The following RABGAP1 variants were observed in gnomAD, a reference collection of about 807,000 sequenced individuals.
RABGAP1 encodes the protein rab GTPase-activating protein 1.
Under a neutral mutation model 137.6 loss-of-function variants are expected in RABGAP1, and 23 were observed. The observed-to-expected ratio is 0.17, with a 90% CI of 0.12 to 0.24. The LOEUF (loss-of-function observed/expected upper bound fraction) is 0.24. RABGAP1 is among the 10% of genes least tolerant of loss of function. The probability of loss-of-function intolerance (pLI) is 1.00; values close to 1 mark genes in which losing one functional copy is unlikely to be tolerated. For missense variants in RABGAP1, 906 were observed against 1,275.8 expected (o/e 0.71, Z 4.42); for synonymous variants, 451 against 450.7 (o/e 1.00, Z -0.01).
chr9:123,001,331 A>T (rs905436514), intron 10 of RABGAP1, among the ~76,000 whole-genome samples: 3 of 152,190 alleles, frequency 2.0e-5, no homozygotes, highest in Non-Finnish European at 4.4e-5. Context: ...ATATACGTTG[A>T]ATTGATTTTA....
chr9:123,023,018 A>G (rs2031740852), intron 13 of RABGAP1, among the ~76,000 whole-genome samples: 1 of 152,126 alleles, frequency 6.6e-6, no homozygotes, highest in Non-Finnish European at 1.5e-5. Flanking sequence ...GCTCCATGAC[A>G]TTTTACATAT....
At chr9:123,008,382 A>G (rs571684991) in intron 10 of RABGAP1, among the ~76,000 whole-genome samples, 11 of 152,160 alleles carry the variant, frequency 7.2e-5, no homozygotes, top group Admixed American at 5.9e-4. Context: ...CGTCTCCACT[A>G]AAAATACAAA....
intron 3 of RABGAP1, 34 bp downstream of exon 3, chr9:122,984,753 G>A: frequency 6.3e-7 from 1 of 1,579,018 alleles, no homozygotes; most frequent in Non-Finnish European, 8.7e-7. Flanking sequence ...GTAACTGAAG[G>A]TTATTGTTTT....
intron 12 of RABGAP1, among the ~76,000 whole-genome samples, chr9:123,016,466 C>G (rs1478898917): frequency 1.3e-5 from 2 of 152,128 alleles, no homozygotes; most frequent in Non-Finnish European, 2.9e-5. Flanking sequence ...TTGATTGCAC[C>G]ACTGCACTCC....
intron 2 of RABGAP1, among the ~76,000 whole-genome samples, chr9:122,983,514 A>G (rs1377696726): frequency 6.6e-6 from 1 of 152,162 alleles, no homozygotes; most frequent in East Asian, 1.9e-4. Flanking sequence ...AAGTACTTGA[A>G]TTGGATTTCT....
chr9:122,990,824 T>A (rs867019149), intron 6 of RABGAP1: 9 of 118,382 alleles, frequency 7.6e-5, no homozygotes, highest in Middle Eastern at 4.1e-3. Context: ...TATATATATA[T>A]ATATATATAT....
At chr9:122,952,325 A>G (rs982794345) in intron 1 of RABGAP1, among the ~76,000 whole-genome samples, 1 of 151,492 alleles carries the variant, frequency 6.6e-6, no homozygotes, top group African/African-American at 2.4e-5. Flanking sequence ...GTGGTGCGAT[A>G]TTGGCTCACT....
At chr9:123,082,394 A>C (rs948601607) in intron 19 of RABGAP1, among the ~76,000 whole-genome samples, 2 of 152,232 alleles carry the variant, frequency 1.3e-5, no homozygotes, top group South Asian at 2.1e-4. Context: ...TTATTCTAGA[A>C]GATCATTTAT....
intron 2 of RABGAP1, among the ~76,000 whole-genome samples, chr9:122,966,730 A>C (rs1588181738): frequency 6.6e-6 from 1 of 152,162 alleles, no homozygotes; most frequent in East Asian, 1.9e-4. Context: ...TCGTTTTCAC[A>C]CTGCTGATAA....
intron 1 of RABGAP1, among the ~76,000 whole-genome samples, chr9:122,950,351 T>C (rs1164353841): frequency 6.7e-6 from 1 of 149,294 alleles, no homozygotes; most frequent in Non-Finnish European, 1.5e-5. Context: ...TGGTTTGGTG[T>C]CTTTTTTTTC....
At chr9:122,964,840 T>G (rs1835054248) in intron 2 of RABGAP1, among the ~76,000 whole-genome samples, 1 of 152,012 alleles carries the variant, frequency 6.6e-6, no homozygotes, top group Admixed American at 6.6e-5. Flanking sequence ...GAAAAAAATT[T>G]TTTTTAATTA....
chr9:122,957,350 C>T, intron 2 of RABGAP1, 141 bp downstream of exon 2: 2 of 665,238 alleles, frequency 3.0e-6, no homozygotes, highest in South Asian at 5.2e-5. Flanking sequence ...ATTTTATTTG[C>T]ACTTAGTGAG....
At chr9:123,036,279 T>C (rs912749625) in intron 13 of RABGAP1, among the ~76,000 whole-genome samples, 3 of 152,200 alleles carry the variant, frequency 2.0e-5, no homozygotes, top group African/African-American at 7.2e-5. Context: ...TTATACAATT[T>C]ATGAAAAACT....
At chr9:123,025,712 AAG>A (rs1330550579) in intron 13 of RABGAP1, among the ~76,000 whole-genome samples, 3 of 151,866 alleles carry the variant, frequency 2.0e-5, no homozygotes, top group African/African-American at 7.2e-5. Context: ...AATAGGGAAA[AAG>A]AGAGTGATTT....
intron 10 of RABGAP1, among the ~76,000 whole-genome samples, chr9:123,006,403 G>C (rs1176070255): frequency 6.6e-6 from 1 of 152,110 alleles, no homozygotes; most frequent in Non-Finnish European, 1.5e-5. Context: ...GTGTGGATTT[G>C]ATTTAATCTT....
At chr9:122,996,876 A>T in intron 8 of RABGAP1, 1 of 442,252 alleles carries the variant, frequency 2.3e-6, no homozygotes, top group Non-Finnish European at 4.1e-6. Flanking sequence ...CAAAAGAGAA[A>T]ATTTATTAAA....
intron 3 of RABGAP1, 50 bp downstream of exon 3, chr9:122,984,769 T>C (rs1171311394): frequency 2.0e-6 from 3 of 1,512,484 alleles, no homozygotes; most frequent in South Asian, 2.3e-5. Flanking sequence ...GTTTTTAATA[T>C]GTGAGTGTCC....
intron 13 of RABGAP1, among the ~76,000 whole-genome samples, chr9:123,054,869 G>C (rs1210068619): frequency 6.6e-6 from 1 of 152,166 alleles, no homozygotes; most frequent in African/African-American, 2.4e-5. Context: ...CAGAGGTAAA[G>C]TGCCATTTTT....
At chr9:123,089,567 A>C in intron 19 of RABGAP1, 191 bp from the exon 20 acceptor site, 1 of 539,360 alleles carries the variant, frequency 1.9e-6, no homozygotes, top group Non-Finnish European at 3.3e-6. Flanking sequence ...ACAGAACTCT[A>C]AACGCATTGA....
Sources: gnomAD v4.1 joint callset for allele counts (sites outside exome capture counted in the v4.1 genomes callset) on GRCh38, gnomAD v4.1.1 for gene constraint, MANE v1.5 for transcripts, NCBI Gene and HGNC (gene_info 2026-07-23, HGNC 2026-07-21) for gene names.